BBX: variants seen among roughly 807,000 people sequenced by gnomAD.
BBX encodes HMG box transcription factor BBX.
BBX carries 30 observed loss-of-function variants against 100.2 expected under a neutral mutation model. The observed-to-expected ratio is 0.30, with a 90% CI of 0.22 to 0.41. The LOEUF (loss-of-function observed/expected upper bound fraction) is 0.41. Ranked by LOEUF, BBX falls within the 10% of genes least tolerant of loss-of-function variation. The pLI is 1.00. For missense variants in BBX, 1,023 were observed against 1,129.8 expected (o/e 0.91, Z 1.35); for synonymous variants, 376 against 388.1 (o/e 0.97, Z 0.37).
At chr3:107,626,089 A>G (rs531705684) in intron 2 of BBX, among the ~76,000 whole-genome samples, 23 of 152,326 alleles carry the variant, frequency 1.5e-4, no homozygotes, top group Middle Eastern at 3.4e-3. Context: ...ATAGGCTCCA[A>G]ATTATACAAT....
At chr3:107,692,019 C>A (rs1228282132) in intron 3 of BBX, among the ~76,000 whole-genome samples, 1 of 152,098 alleles carries the variant, frequency 6.6e-6, no homozygotes, top group South Asian at 2.1e-4. Context: ...TATTCACCAT[C>A]TTTCTTACAG....
chr3:107,630,655 T>C (rs552467354), intron 2 of BBX, among the ~76,000 whole-genome samples: 3 of 152,242 alleles, frequency 2.0e-5, no homozygotes, highest in Non-Finnish European at 4.4e-5. Flanking sequence ...GCGTAAAACA[T>C]GTTTTGAGTA....
At chr3:107,685,578 A>G (rs762971221) in intron 3 of BBX, among the ~76,000 whole-genome samples, 1 of 152,228 alleles carries the variant, frequency 6.6e-6, no homozygotes, top group Non-Finnish European at 1.5e-5. Flanking sequence ...AATGCAGGCT[A>G]TCCTGCCATG....
chr3:107,796,856 A>G (rs1023743982), intron 15 of BBX, among the ~76,000 whole-genome samples: 13 of 152,196 alleles, frequency 8.5e-5, no homozygotes, highest in African/African-American at 2.9e-4. Flanking sequence ...TTGACCTGGG[A>G]ATAGATCTGC....
chr3:107,561,987 T>C (rs2050533253), intron 2 of BBX, among the ~76,000 whole-genome samples: 1 of 152,208 alleles, frequency 6.6e-6, no homozygotes, highest in African/African-American at 2.4e-5. Context: ...GGGGATACAT[T>C]GAGTTGTACC....
At chr3:107,755,363 C>G (rs1417892106) in intron 9 of BBX, among the ~76,000 whole-genome samples, 1 of 152,116 alleles carries the variant, frequency 6.6e-6, no homozygotes, top group East Asian at 1.9e-4. Context: ...CCTAGAATAT[C>G]CAAGATAATA....
Position 107,807,367 on chromosome 3 carries a change from T to C in BBX, c.*1910T>C, listed in dbSNP as rs899044226. ...AAATCAAGTGAGCAGTTCCAGACTTTTGCATAATATTTTTACTATGATGCT... is the reference window on the plus strand; with the variant it reads ...AAATCAAGTGAGCAGTTCCAGACTTCTGCATAATATTTTTACTATGATGCT... On this transcript the variant is annotated 3_prime_UTR_variant, in exon 18 of 18. Transcript: ENST00000325805. 2.0e-5 allele frequency: 3 copies of C among 152,208 alleles called. No homozygotes were observed. The highest frequency in any genetic ancestry group is 1.9e-4 in the East Asian group (1 of 5,198). 9.4% of individuals were successfully genotyped at this position (152,208 alleles called of 1,614,324 possible).
intron 13 of BBX, 137 bp downstream of exon 13, chr3:107,778,656 C>A: frequency 1.0e-6 from 1 of 965,392 alleles, no homozygotes; most frequent in Non-Finnish European, 1.5e-6. Flanking sequence ...GGTTGCTTTC[C>A]AAGATTATCT....
rs144315514 is a variant in BBX at position 107,722,420 on chromosome 3, G to A, written c.405+5571G>A. ...TGAAATTTCAGCTTTTAAAATTAGT[G>A]CACACTGATTAAACTGACTCTTCTG... On this transcript the variant is annotated intron_variant, in intron 5 of 17. Coordinates refer to ENST00000325805, the MANE Select transcript of BBX (RefSeq NM_001142568.3). 7.4e-3 allele frequency among the ~76,000 whole-genome samples: 1,126 copies of A among 151,962 alleles called. 8 individuals are homozygous for A. The highest frequency in any genetic ancestry group is 0.013 in the Non-Finnish European group (902 of 67,880).
chr3:107,593,756 G>GA (rs2053494744), intron 2 of BBX, among the ~76,000 whole-genome samples: 1 of 152,014 alleles, frequency 6.6e-6, no homozygotes, highest in Non-Finnish European at 1.5e-5. Flanking sequence ...CCTGTAAGTG[G>GA]AAAAACAAAA....
chr3:107,542,494 T>C (rs1576235901), intron 2 of BBX, among the ~76,000 whole-genome samples: 1 of 152,360 alleles, frequency 6.6e-6, no homozygotes, highest in East Asian at 1.9e-4. Context: ...TTAGAAACTA[T>C]GAACTTTCTT....
At chr3:107,763,056 T>C (rs1326277593) in intron 10 of BBX, among the ~76,000 whole-genome samples, 1 of 152,202 alleles carries the variant, frequency 6.6e-6, no homozygotes, top group Admixed American at 6.5e-5. Context: ...ATGAATTTTG[T>C]GTTCAGACTT....
intron 2 of BBX, among the ~76,000 whole-genome samples, chr3:107,584,223 A>T (rs1433729164): frequency 2.1e-5 from 2 of 96,476 alleles, no homozygotes; most frequent in African/African-American, 8.2e-5. Context: ...TATTATATAT[A>T]ATATGTATAA....
In BBX at chr3:107,716,735, T is replaced by C. The variant is rs1266371461; in HGVS notation, c.291T>C (p.Leu97=). 2 of 1,613,814 alleles carry C rather than the reference T, an allele frequency of 1.2e-6. No homozygotes were observed. The highest frequency in any genetic ancestry group is 2.2e-5 in the South Asian group (2 of 91,070). The change falls in exon 5 of 18, where the codon CTT becomes CTC. Residue 97 remains leucine, a synonymous_variant. Transcript: ENST00000325805. ...FLLFCKRHRS[L]VRQEHPRLDN... ...TATTTTGCAAACGCCATCGCTCTCT[T>C]GTACGTCAGGAACACCCCAGGCTTG... is the stretch of plus-strand genomic sequence containing the variant.
At chr3:107,526,493 G>A in intron 2 of BBX, 95 bp downstream of exon 2, 1 of 396,358 alleles carries the variant, frequency 2.5e-6, no homozygotes, top group East Asian at 3.6e-5. Context: ...CTTTATTGGG[G>A]TTACAGCACC....
At chr3:107,781,498 ATC>A (rs1159847327) in intron 13 of BBX, among the ~76,000 whole-genome samples, 5 of 152,132 alleles carry the variant, frequency 3.3e-5, no homozygotes, top group African/African-American at 1.2e-4. Flanking sequence ...TTTCTGAGTC[ATC>A]TCTCTGTTAT....
intron 2 of BBX, chr3:107,526,754 G>A (rs941759004): frequency 3.1e-5 from 5 of 158,892 alleles, no homozygotes; most frequent in African/African-American, 4.8e-5. Context: ...TGAGTGGAGA[G>A]AATTATTAAA....
At position 107,583,595 on chromosome 3, in the gene BBX, T is replaced by C. The variant is rs554624206; in HGVS notation, c.-84+57197T>C. The stretch of plus-strand genomic sequence containing the variant: ...ATCACCTTGAACATTTATCTTTTCT[T>C]CTCCTCTAACCATTTTGAAGTATAC... On this transcript the variant is annotated intron_variant, in intron 2 of 17. Transcript: ENST00000325805. Among the ~76,000 whole-genome samples, 9 of 151,924 alleles carry C rather than the reference T, an allele frequency of 5.9e-5. No individual in the cohort carries two copies. The East Asian group carries it at 1.7e-3, about 29-fold the overall frequency.
chr3:107,671,682 A>G lies in BBX; in HGVS notation c.-10+25773A>G, dbSNP rs532204671. On this transcript the variant is annotated intron_variant, in intron 3 of 17. Transcript: ENST00000325805. ...TCAGAATTGTAAAATTGAGCGCTGC[A>G]GAATAAAACAATTCACACATTTTAT... Among the ~76,000 whole-genome samples the G allele has an allele frequency of 2.0e-5, 3 of 152,268 alleles. No homozygotes were observed. The South Asian group carries it at 6.2e-4, about 31-fold the overall frequency.
Sources: allele counts gnomAD v4.1 joint callset (sites outside exome capture counted in the v4.1 genomes callset), GRCh38; gene constraint gnomAD v4.1.1; transcripts MANE v1.5; gene names NCBI Gene and HGNC (gene_info 2026-07-23, HGNC 2026-07-21).